Variants in NLRP8 observed in about 807,000 individuals in gnomAD.
The protein encoded by NLRP8 is NACHT, LRR and PYD domains-containing protein 8.
In NLRP8, 86 loss-of-function variants were observed where a neutral mutation model predicts 88.7. The ratio of observed to expected loss-of-function variants is 0.97; its 90% CI spans 0.81 to 1.16. NLRP8 has a LOEUF of 1.16. Ranked by LOEUF, NLRP8 falls within the 50% of genes most tolerant of loss-of-function variation. NLRP8 has a pLI of 0.00. For missense variants in NLRP8, 1,342 were observed against 1,286.5 expected, an observed-to-expected ratio of 1.04 and a Z score of -0.66; for synonymous variants, 504 against 494.6, an observed-to-expected ratio of 1.02 and a Z score of -0.25.
chr19:55,953,950 T>C (rs1979214071), intron 2 of NLRP8, among the ~76,000 whole-genome samples: 1 of 150,940 alleles, frequency 6.6e-6, no homozygotes, highest in Non-Finnish European at 1.5e-5. Context: ...TACCGGCGTG[T>C]GCACCACCAC....
At position 55,949,625 on chromosome 19, in the gene NLRP8, C is replaced by A. The variant is rs139484637; in HGVS notation, c.367+1356C>A. Among the ~76,000 whole-genome samples the A allele has an allele frequency of 1.1e-3, 175 of 152,180 alleles. 2 individuals are homozygous for A. In the East Asian group the frequency reaches 0.03, roughly 26 times the overall value. On this transcript the variant is annotated intron_variant, in intron 1 of 9. Coordinates refer to ENST00000291971, the MANE Select transcript of NLRP8 (RefSeq NM_176811.2). ...CCACCGGGGATCTTGGAACATAGAC[C>A]CTGCAGAGAAGGGGGGACTACTGTA...
At chr19:55,969,322 C>G (rs1979975616) in intron 5 of NLRP8, among the ~76,000 whole-genome samples, 1 of 152,194 alleles carries the variant, frequency 6.6e-6, no homozygotes, top group Non-Finnish European at 1.5e-5. Context: ...TTTGCATCAT[C>G]ATAGCTTAGC....
chr19:55,977,555 AATATATTT>A (rs1249665014), intron 8 of NLRP8, among the ~76,000 whole-genome samples: 1 of 146,068 alleles, frequency 6.8e-6, no homozygotes, highest in Non-Finnish European at 1.5e-5. Context: ...TAATTATATT[AATATATTT>A]ATATATGAAA....
chr19:55,965,649 TA>T (rs1401630579), intron 4 of NLRP8, among the ~76,000 whole-genome samples: 2 of 113,326 alleles, frequency 1.8e-5, no homozygotes, highest in Middle Eastern at 4.8e-3. Context: ...GTGAGTCATT[TA>T]TTTTTTTAAA....
chr19:55,951,073 G>A (rs1460121123), intron 1 of NLRP8, among the ~76,000 whole-genome samples: 1 of 152,038 alleles, frequency 6.6e-6, no homozygotes, highest in Non-Finnish European at 1.5e-5. Flanking sequence ...GTGAGACTTA[G>A]TCTCAAAAAA....
chr19:55,958,114 T>C (rs1166512006), intron 3 of NLRP8, among the ~76,000 whole-genome samples: 1 of 152,084 alleles, frequency 6.6e-6, no homozygotes, highest in Non-Finnish European at 1.5e-5. Context: ...TTGACCCCCG[T>C]GGCTATGACG....
At chr19:55,965,362 A>G (rs1979789131) in intron 4 of NLRP8, among the ~76,000 whole-genome samples, 1 of 152,046 alleles carries the variant, frequency 6.6e-6, no homozygotes, top group Non-Finnish European at 1.5e-5. Flanking sequence ...GAGGCAGGAG[A>G]ATCACTTGAA....
chr19:55,956,788 T>C (rs1979376173), intron 3 of NLRP8, among the ~76,000 whole-genome samples: 1 of 152,026 alleles, frequency 6.6e-6, no homozygotes, highest in Non-Finnish European at 1.5e-5. Context: ...GGACCTTGCT[T>C]CATCTATCAC....
At chr19:55,964,374 C>T (rs910339167) in intron 4 of NLRP8, among the ~76,000 whole-genome samples, 1 of 152,132 alleles carries the variant, frequency 6.6e-6, no homozygotes, top group Non-Finnish European at 1.5e-5. Context: ...AAAGATGGTG[C>T]GACTAGGGAT....
intron 3 of NLRP8, among the ~76,000 whole-genome samples, chr19:55,957,995 C>A (rs143854522): frequency 1.3e-5 from 2 of 152,226 alleles, no homozygotes; most frequent in Admixed American, 6.5e-5. Context: ...CAAGCACTTG[C>A]TTTATGTGAA....
In NLRP8 at chr19:55,976,289, A is replaced by T; in HGVS notation, c.2862A>T (p.Thr954=). The change falls in exon 8 of 10, where the codon ACA becomes ACT. Residue 954 remains threonine (T), a synonymous_variant. Transcript: ENST00000291971. ...AGGCCCTGAAGAACCCTGACTGTAC[A>T]TTACAGATCCTGGAGTAAGTGGCCC... is the stretch of plus-strand genomic sequence containing the variant. 1 of 1,603,182 alleles carries T rather than the reference A, an allele frequency of 6.2e-7. No individual in the cohort carries two copies. The highest frequency in any genetic ancestry group is 8.5e-7 in the Non-Finnish European group (1 of 1,177,116).
rs2123241144 is a variant in NLRP8, at chr19:55,988,033, A to G, written c.*120A>G. 1 of 717,240 alleles carries G rather than the reference A, an allele frequency of 1.4e-6. No individual in the cohort carries two copies. Among genetic ancestry groups the G allele is most frequent in the Non-Finnish European group, 2.4e-6 (1 of 408,728 alleles). The allele number at this position is 717,240 out of a possible 1,614,324, so 44.4% of individuals were successfully genotyped here. ...ACTTTCCCCTGAAACAGAGCAACCC[A>G]GTCAACACCACAGAACCTCAGCTTT... On this transcript the variant is annotated 3_prime_UTR_variant, in exon 10 of 10. Transcript: ENST00000291971.
In NLRP8 at chr19:55,988,073, G is replaced by C; in HGVS notation, c.*160G>C. The C allele has an allele frequency of 1.6e-6, 1 of 608,212 alleles. No individual in the cohort carries two copies. The highest frequency in any genetic ancestry group is 3.0e-6 in the Non-Finnish European group (1 of 334,422). The allele number at this position is 608,212 out of a possible 1,614,324, so 37.7% of individuals were successfully genotyped here. A position where few individuals can be genotyped will look rare whatever the true frequency, so the allele number is the denominator to read the frequency against. ...ACCTCAGCTTTGAACCCTGGAGTGAGGACGGTGATGCCCTGTGTGTATTAA... is the reference window on the plus strand; with the variant it reads ...ACCTCAGCTTTGAACCCTGGAGTGACGACGGTGATGCCCTGTGTGTATTAA... On this transcript the variant is annotated 3_prime_UTR_variant, in exon 10 of 10. Transcript: ENST00000291971.
intron 1 of NLRP8, among the ~76,000 whole-genome samples, chr19:55,950,939 G>A (rs556099040): frequency 2.4e-4 from 37 of 152,292 alleles, no homozygotes; most frequent in African/African-American, 7.0e-4. Flanking sequence ...TTAGCCGGGC[G>A]TGGTGGCGCA....
At chr19:55,971,525 G>C (rs908425782) in intron 6 of NLRP8, among the ~76,000 whole-genome samples, 8 of 150,466 alleles carry the variant, frequency 5.3e-5, no homozygotes, top group African/African-American at 1.2e-4. Flanking sequence ...GTGTTCATCT[G>C]TTTAGTTGCT....
At chr19:55,975,132 A>G (rs921624991) in intron 7 of NLRP8, among the ~76,000 whole-genome samples, 2 of 152,192 alleles carry the variant, frequency 1.3e-5, no homozygotes, top group East Asian at 3.9e-4. Flanking sequence ...TCACCGAACC[A>G]TAACCATCGA....
intron 9 of NLRP8, among the ~76,000 whole-genome samples, chr19:55,981,448 C>T (rs1293330389): frequency 1.3e-5 from 2 of 152,108 alleles, no homozygotes; most frequent in African/African-American, 4.8e-5. Context: ...TCCTGGCTAC[C>T]AGAATGTCTT....
In NLRP8 at chr19:55,973,826, A is replaced by T; in HGVS notation, c.2705+4A>T. On this transcript the variant is annotated splice_donor_region_variant and intron_variant, in intron 7 of 9. Coordinates refer to ENST00000291971, the MANE Select transcript of NLRP8 (RefSeq NM_176811.2). ...GATGTCCTCTGCAGAGGCTGGTGTAAGTCCCAGAATGTTTTCTTCTCTGAA... is the reference window on the plus strand; with the variant it reads ...GATGTCCTCTGCAGAGGCTGGTGTATGTCCCAGAATGTTTTCTTCTCTGAA... 4 of 1,605,896 alleles carry T rather than the reference A, an allele frequency of 2.5e-6. No individual in the cohort carries two copies. The highest frequency in any genetic ancestry group is 2.6e-6 in the Non-Finnish European group (3 of 1,174,288).
chr19:55,952,640 G>T, intron 2 of NLRP8, 28 bp downstream of exon 2: 1 of 1,598,106 alleles, frequency 6.3e-7, no homozygotes, highest in South Asian at 1.1e-5. Context: ...AGCAGACCCT[G>T]GTGAAAAAAT....
Sources: gnomAD v4.1 joint callset for allele counts (sites outside exome capture counted in the v4.1 genomes callset) on GRCh38, gnomAD v4.1.1 for gene constraint, MANE v1.5 for transcripts, NCBI Gene and HGNC (gene_info 2026-07-23, HGNC 2026-07-21) for gene names.